Variants in CDK13 observed in about 807,000 individuals in gnomAD.
The protein encoded by CDK13 is cyclin dependent kinase 13.
In CDK13, 40 loss-of-function variants were observed where a neutral mutation model predicts 137.6. That is an observed-to-expected ratio of 0.29 (90% CI 0.23 to 0.38). CDK13 has a LOEUF of 0.38. Among genes scored for constraint, CDK13 ranks in the 10% least tolerant of loss-of-function variants. The pLI is 1.00. For synonymous variants in CDK13, 869 were observed against 760.1 expected, an observed-to-expected ratio of 1.14 and a Z score of -2.36; for missense variants, 1,704 against 1,951.8, an observed-to-expected ratio of 0.87 and a Z score of 2.39.
chr7:39,981,906 C>G (rs1178345074), intron 1 of CDK13, among the ~76,000 whole-genome samples: 2 of 150,976 alleles, frequency 1.3e-5, no homozygotes, highest in African/African-American at 4.9e-5. Flanking sequence ...ATTCTCCTGC[C>G]TCAGCCTCCC....
At chr7:39,954,260 A>G (rs1255020129) in intron 1 of CDK13, among the ~76,000 whole-genome samples, 1 of 152,266 alleles carries the variant, frequency 6.6e-6, no homozygotes, top group East Asian at 1.9e-4. Flanking sequence ...CATAGGGCCT[A>G]GAATTAATAG....
intron 12 of CDK13, 38 bp downstream of exon 12, chr7:40,088,369 GT>G (rs1350212715): frequency 6.7e-7 from 1 of 1,503,426 alleles, no homozygotes; most frequent in Non-Finnish European, 9.2e-7. Context: ...TCTTCACATT[GT>G]TTTGCAGTTA....
intron 1 of CDK13, among the ~76,000 whole-genome samples, chr7:39,982,582 A>C (rs1784252230): frequency 6.6e-6 from 1 of 152,164 alleles, no homozygotes. Context: ...ATCCCTGAGG[A>C]ATCGCCACAC....
intron 5 of CDK13, among the ~76,000 whole-genome samples, chr7:40,021,061 A>T (rs532230011): frequency 6.1e-5 from 9 of 148,132 alleles, no homozygotes; most frequent in Non-Finnish European, 1.2e-4. Flanking sequence ...ACTGCACTCC[A>T]GCCTGGTGAC....
chr7:40,054,511 A>G (rs1382203791), intron 7 of CDK13, among the ~76,000 whole-genome samples: 2 of 151,938 alleles, frequency 1.3e-5, no homozygotes, highest in African/African-American at 4.8e-5. Context: ...GCTCAACCCA[A>G]CCTCTGTCTC....
At chr7:40,032,201 C>T (rs1056277570) in intron 5 of CDK13, among the ~76,000 whole-genome samples, 19 of 152,062 alleles carry the variant, frequency 1.2e-4, no homozygotes, top group Non-Finnish European at 2.6e-4. Context: ...GGACCAAAGG[C>T]GCATGCCACT....
At chr7:40,071,451 G>A (rs1481067987) in intron 9 of CDK13, 1 of 152,130 alleles carries the variant, frequency 6.6e-6, no homozygotes, top group Non-Finnish European at 1.5e-5. Flanking sequence ...TTGGATAATG[G>A]TGCATATTCT....
chr7:40,064,793 T>TTTTTTTTTTTTTTTTTTTTGTTTG (rs1786241023), intron 9 of CDK13, among the ~76,000 whole-genome samples: 1 of 151,038 alleles, frequency 6.6e-6, no homozygotes, highest in Non-Finnish European at 1.5e-5. Flanking sequence ...TTTTTTTTTT[T>TTTTTTTTTTTTTTTTTTTTGTTTG]TTTTTTCCTG....
chr7:39,979,307 C>T (rs1415491393), intron 1 of CDK13, among the ~76,000 whole-genome samples: 2 of 150,410 alleles, frequency 1.3e-5, no homozygotes, highest in Non-Finnish European at 2.9e-5. Flanking sequence ...ACCTCCGCCT[C>T]CCAGGTTCAA....
chr7:39,995,528 T>C (rs1784542369), intron 2 of CDK13, among the ~76,000 whole-genome samples: 1 of 152,214 alleles, frequency 6.6e-6, no homozygotes. Flanking sequence ...TGTGTAACAC[T>C]TTATCCTACT....
chr7:40,024,839 T>C (rs1299273580), intron 5 of CDK13, among the ~76,000 whole-genome samples: 1 of 152,062 alleles, frequency 6.6e-6, no homozygotes, highest in Non-Finnish European at 1.5e-5. Context: ...AATTTTTGTA[T>C]TTTTAGTAAA....
chr7:40,061,530 C>T (rs1390784588), intron 7 of CDK13: 2 of 152,148 alleles, frequency 1.3e-5, no homozygotes, highest in African/African-American at 4.8e-5. Context: ...ATTGAATGCT[C>T]CATTTCCTTA....
rs1397721148 is a variant in CDK13 at position 40,097,640 on chromosome 7, T to A, written c.*2660T>A. 1 of 152,082 alleles carries A rather than the reference T, an allele frequency of 6.6e-6. No individual in the cohort carries two copies. Among genetic ancestry groups the A allele is most frequent in the Non-Finnish European group, 1.5e-5 (1 of 67,968 alleles). The allele number at this position is 152,082 out of a possible 1,614,324, so 9.4% of individuals were successfully genotyped here. A position where few individuals can be genotyped will look rare whatever the true frequency, so the allele number is the denominator to read the frequency against. On this transcript the variant is annotated 3_prime_UTR_variant, in exon 14 of 14. Transcript: ENST00000181839. ...ACTGCAAGTTAAGAAGACAAAAATA[T>A]AAAAGATTTGACCTGCCAAAAGAAG...
intron 9 of CDK13, among the ~76,000 whole-genome samples, chr7:40,068,986 C>T (rs1195077285): frequency 6.6e-6 from 1 of 152,128 alleles, no homozygotes; most frequent in Non-Finnish European, 1.5e-5. Flanking sequence ...GTAATCTCAG[C>T]ACTTTGGAAG....
chr7:40,017,039 G>A (rs1785019482), intron 5 of CDK13, among the ~76,000 whole-genome samples: 1 of 152,054 alleles, frequency 6.6e-6, no homozygotes, highest in South Asian at 2.1e-4. Context: ...AAACAAGCAT[G>A]TGCATTATTC....
At chr7:40,054,627 C>T (rs1195935541) in intron 7 of CDK13, among the ~76,000 whole-genome samples, 2 of 152,136 alleles carry the variant, frequency 1.3e-5, no homozygotes, top group Non-Finnish European at 2.9e-5. Flanking sequence ...GATGGGATTT[C>T]ACTGTGTTGT....
rs1042949309 is a variant in CDK13 at position 40,000,954 on chromosome 7, A to C, written c.2183-907A>C. On this transcript the variant is annotated intron_variant, in intron 4 of 13. Coordinates refer to ENST00000181839, the MANE Select transcript of CDK13 (RefSeq NM_003718.5). ...CTGATACAAAGCTGACTCATACTTA[A>C]ATTATGTGGCAATTTAGTGTAGTGG... Among the ~76,000 whole-genome samples the C allele has an allele frequency of 1.2e-4, 18 of 152,222 alleles. No individual in the cohort carries two copies. The South Asian group carries it at 3.7e-3, about 32-fold the overall frequency.
intron 2 of CDK13, among the ~76,000 whole-genome samples, chr7:39,993,216 G>A (rs1420075663): frequency 2.0e-5 from 3 of 152,016 alleles, no homozygotes; most frequent in Non-Finnish European, 4.4e-5. Flanking sequence ...TTCTAATTCT[G>A]CCATTCCTTT....
intron 7 of CDK13, among the ~76,000 whole-genome samples, chr7:40,052,207 C>T (rs993407868): frequency 2.6e-5 from 4 of 152,214 alleles, no homozygotes; most frequent in African/African-American, 9.7e-5. Context: ...GACGGAGTCT[C>T]ACTCTGTCAC....
Sources: gnomAD v4.1 joint callset for allele counts (sites outside exome capture counted in the v4.1 genomes callset) on GRCh38, gnomAD v4.1.1 for gene constraint, MANE v1.5 for transcripts, NCBI Gene and HGNC (gene_info 2026-07-23, HGNC 2026-07-21) for gene names.